The following SKAP1 variants were observed in gnomAD, a reference collection of about 807,000 sequenced individuals.
The protein encoded by SKAP1 is src kinase associated phosphoprotein 1.
A neutral mutation model predicts 58.5 loss-of-function variants in SKAP1; 44 were observed. The observed-to-expected ratio is 0.75, with a 90% CI of 0.59 to 0.97. SKAP1 has a LOEUF of 0.97. Among genes scored for constraint, SKAP1 ranks in the 50% least tolerant of loss-of-function variants. The probability of loss-of-function intolerance (pLI) is 0.00; values close to 1 mark genes in which losing one functional copy is unlikely to be tolerated. For missense variants in SKAP1, 390 were observed against 435.2 expected, an observed-to-expected ratio of 0.90 and a Z score of 0.92; for synonymous variants, 127 against 149.7, an observed-to-expected ratio of 0.85 and a Z score of 1.11.
At position 48,311,333 on chromosome 17, in the gene SKAP1, G is replaced by A. The variant is rs949700265; in HGVS notation, c.280+34572C>T. Among the ~76,000 whole-genome samples the A allele has an allele frequency of 2.0e-5, 3 of 152,142 alleles. No individual in the cohort carries two copies. The East Asian group carries it at 5.8e-4, about 29-fold the overall frequency. On this transcript the variant is annotated intron_variant, in intron 4 of 12. Transcript: ENST00000336915. Reference sequence around the variant, plus strand: ...AAAGAATGAACTTTGAACTGCTCAGGAGATACCCTCTCCCCACATTGGGCA... The same window carrying A: ...AAAGAATGAACTTTGAACTGCTCAGAAGATACCCTCTCCCCACATTGGGCA...
intron 4 of SKAP1, chr17:48,193,869 T>C (rs773012391): frequency 9.2e-6 from 3 of 325,238 alleles, no homozygotes; most frequent in Non-Finnish European, 1.3e-5. Flanking sequence ...TAGGAAGAAG[T>C]TGCAAACAAT....
chr17:48,268,725 C>A (rs2065587953), intron 4 of SKAP1, among the ~76,000 whole-genome samples: 1 of 152,050 alleles, frequency 6.6e-6, no homozygotes, highest in Non-Finnish European at 1.5e-5. Context: ...CTCCTGATCT[C>A]AAATGATCTA....
At chr17:48,443,789 A>T in the SKAP1 span, among the ~76,000 whole-genome samples, 3 of 152,066 alleles carry the variant, frequency 2.0e-5, no homozygotes, top group Non-Finnish European at 4.4e-5. Context: ...TGGGTTTTTT[A>T]AAAATAATTT....
At chr17:48,386,883 C>G (rs1301178510) in intron 2 of SKAP1, among the ~76,000 whole-genome samples, 1 of 152,142 alleles carries the variant, frequency 6.6e-6, no homozygotes, top group Non-Finnish European at 1.5e-5. Context: ...AACAGGGCAC[C>G]TAAATATTCA....
chr17:48,181,640 T>A (rs2064370289), intron 8 of SKAP1, among the ~76,000 whole-genome samples: 1 of 152,236 alleles, frequency 6.6e-6, no homozygotes, highest in South Asian at 2.1e-4. Context: ...GACGTGTGTC[T>A]TTCTAGGTCT....
intron 1 of SKAP1, among the ~76,000 whole-genome samples, chr17:48,424,523 C>T (rs1447146813): frequency 6.6e-6 from 1 of 151,276 alleles, no homozygotes. Flanking sequence ...CCGCGCCCGG[C>T]CCTCTGGGAC....
chr17:48,360,125 T>G (rs1474052621), intron 3 of SKAP1, among the ~76,000 whole-genome samples: 7 of 152,186 alleles, frequency 4.6e-5, no homozygotes, highest in Non-Finnish European at 8.8e-5. Context: ...ACAAATGTAA[T>G]GTGAGTGACC....
At chr17:48,422,736 C>T (rs1049235327) in intron 1 of SKAP1, among the ~76,000 whole-genome samples, 5 of 152,054 alleles carry the variant, frequency 3.3e-5, no homozygotes, top group African/African-American at 7.2e-5. Context: ...TATTAAAGAA[C>T]AGAAATGTTT....
In SKAP1 at chr17:48,332,439, C is replaced by G. The variant is rs536693948; in HGVS notation, c.280+13466G>C. Among the ~76,000 whole-genome samples, 7 of 152,144 alleles carry G rather than the reference C, an allele frequency of 4.6e-5. No homozygotes were observed. The East Asian group carries it at 1.4e-3, about 29-fold the overall frequency. On this transcript the variant is annotated intron_variant, in intron 4 of 12. Coordinates refer to ENST00000336915, the MANE Select transcript of SKAP1 (RefSeq NM_003726.4). The stretch of plus-strand genomic sequence containing the variant: ...TCAGAAACTAAACTTTAGACGATAA[C>G]ATAAAATATCTGCTTTTATCATTTA...
chr17:48,197,809 T>C (rs1314569833), intron 4 of SKAP1, among the ~76,000 whole-genome samples: 2 of 152,220 alleles, frequency 1.3e-5, no homozygotes, highest in Non-Finnish European at 2.9e-5. Context: ...ACCATGAGTA[T>C]TCATGGAGGA....
At chr17:48,432,370 A>G (rs2067924801), upstream of SKAP1, among the ~76,000 whole-genome samples, 1 of 152,046 alleles carries the variant, frequency 6.6e-6, no homozygotes, top group African/African-American at 2.4e-5. Context: ...CGGAGGTTGC[A>G]GTGAGCCGAG....
At chr17:48,378,023 C>A (rs2067172332) in intron 2 of SKAP1, among the ~76,000 whole-genome samples, 1 of 152,146 alleles carries the variant, frequency 6.6e-6, no homozygotes, top group South Asian at 2.1e-4. Flanking sequence ...CATCCCTATA[C>A]CTCTTTTTCT....
chr17:48,142,305 T>C (rs2063777342), intron 11 of SKAP1, among the ~76,000 whole-genome samples: 1 of 151,958 alleles, frequency 6.6e-6, no homozygotes, highest in African/African-American at 2.4e-5. Context: ...CTATTAAAAA[T>C]ACAAAAATTA....
intron 2 of SKAP1, among the ~76,000 whole-genome samples, chr17:48,384,216 A>G (rs191067532): frequency 3.9e-5 from 6 of 152,284 alleles, no homozygotes; most frequent in African/African-American, 1.4e-4. Flanking sequence ...AGAACGAAGA[A>G]TCAACAGGCC....
At chr17:48,214,615 C>CA (rs1555604088) in intron 4 of SKAP1, among the ~76,000 whole-genome samples, 2 of 144,670 alleles carry the variant, frequency 1.4e-5, no homozygotes, top group African/African-American at 5.1e-5. Flanking sequence ...TCTCCAGTTC[C>CA]TTTTTTTTTT....
At chr17:48,279,696 G>A (rs1598504062) in intron 4 of SKAP1, among the ~76,000 whole-genome samples, 1 of 152,062 alleles carries the variant, frequency 6.6e-6, no homozygotes, top group African/African-American at 2.4e-5. Context: ...ATGTTAATTC[G>A]AGGGCTGTGT....
chr17:48,215,266 A>G (rs2064925065), intron 4 of SKAP1, among the ~76,000 whole-genome samples: 1 of 152,204 alleles, frequency 6.6e-6, no homozygotes, highest in Non-Finnish European at 1.5e-5. Flanking sequence ...ATTCTTGTTA[A>G]TGCCTATGTC....
At chr17:48,209,032 T>C (rs1244726317) in intron 4 of SKAP1, among the ~76,000 whole-genome samples, 2 of 152,176 alleles carry the variant, frequency 1.3e-5, no homozygotes, top group Admixed American at 6.5e-5. Flanking sequence ...CTCTATAATA[T>C]GAGTAATTTT....
At chr17:48,407,569 C>T (rs932613264) in intron 1 of SKAP1, among the ~76,000 whole-genome samples, 15 of 152,106 alleles carry the variant, frequency 9.9e-5, no homozygotes, top group Admixed American at 7.9e-4. Flanking sequence ...TTAAAAATAG[C>T]GGGGAAAGGC....
Sources: allele counts gnomAD v4.1 joint callset (sites outside exome capture counted in the v4.1 genomes callset), GRCh38; gene constraint gnomAD v4.1.1; transcripts MANE v1.5; gene names NCBI Gene and HGNC (gene_info 2026-07-23, HGNC 2026-07-21).